ADAMTS12: variants seen among roughly 807,000 people sequenced by gnomAD.
ADAMTS12 encodes the protein A disintegrin and metalloproteinase with thrombospondin motifs 12.
A neutral mutation model predicts 167.8 loss-of-function variants in ADAMTS12; 118 were observed. The observed-to-expected ratio is 0.70, with a 90% CI of 0.61 to 0.82. The LOEUF is 0.82. Ranked by LOEUF, ADAMTS12 falls within the 40% of genes least tolerant of loss-of-function variation. The probability of loss-of-function intolerance (pLI) is 0.00; values close to 1 mark genes in which losing one functional copy is unlikely to be tolerated. For missense variants in ADAMTS12, 1,916 were observed against 1,998.8 expected, an observed-to-expected ratio of 0.96 and a Z score of 0.79; for synonymous variants, 704 against 716.9, an observed-to-expected ratio of 0.98 and a Z score of 0.29.
intron 19 of ADAMTS12, among the ~76,000 whole-genome samples, chr5:33,572,875 TA>T (rs1262230239): frequency 1.5e-5 from 2 of 129,364 alleles, no homozygotes; most frequent in African/African-American, 3.2e-5. Context: ...AAAATCTCCT[TA>T]AGCTGATAAG....
At chr5:33,820,602 G>A (rs1410032528) in intron 2 of ADAMTS12, among the ~76,000 whole-genome samples, 16 of 151,508 alleles carry the variant, frequency 1.1e-4, no homozygotes, top group Admixed American at 1.1e-3. Context: ...ATGGAGTTGG[G>A]TTTTTTAATT....
intron 2 of ADAMTS12, among the ~76,000 whole-genome samples, chr5:33,841,023 C>A (rs1748727294): frequency 1.3e-5 from 2 of 152,152 alleles, no homozygotes; most frequent in East Asian, 3.8e-4. Context: ...TCCCTCCAGT[C>A]TGTGTGGCAC....
At chr5:33,746,505 C>T (rs976366492) in intron 3 of ADAMTS12, among the ~76,000 whole-genome samples, 6 of 152,130 alleles carry the variant, frequency 3.9e-5, no homozygotes, top group African/African-American at 7.2e-5. Context: ...GCTTTGATTT[C>T]GTGCAATAGA....
At chr5:33,532,771 G>A (rs911760921) in intron 23 of ADAMTS12, among the ~76,000 whole-genome samples, 1 of 152,080 alleles carries the variant, frequency 6.6e-6, no homozygotes, top group African/African-American at 2.4e-5. Flanking sequence ...TGACCTGGAG[G>A]AAACTAAACC....
At chr5:33,821,601 G>A (rs376032405) in intron 2 of ADAMTS12, among the ~76,000 whole-genome samples, 3 of 152,204 alleles carry the variant, frequency 2.0e-5, no homozygotes, top group South Asian at 2.1e-4. Context: ...CCAGCAGTAC[G>A]TGACTGAGGC....
chr5:33,707,395 T>G (rs1309921993), intron 3 of ADAMTS12, among the ~76,000 whole-genome samples: 1 of 152,164 alleles, frequency 6.6e-6, no homozygotes, highest in Admixed American at 6.5e-5. Context: ...ATTTATAGAT[T>G]TAATGTTATT....
intron 2 of ADAMTS12, among the ~76,000 whole-genome samples, chr5:33,858,635 G>A (rs113649679): frequency 6.8e-4 from 102 of 149,118 alleles, no homozygotes; most frequent in African/African-American, 2.4e-3. Flanking sequence ...TCCAGTCTGG[G>A]TCACAGAGCA....
intron 3 of ADAMTS12, among the ~76,000 whole-genome samples, chr5:33,715,942 G>A (rs562384675): frequency 3.8e-4 from 58 of 152,206 alleles, no homozygotes; most frequent in Middle Eastern, 3.4e-3. Flanking sequence ...ACAATTTACT[G>A]TTAATAAGGG....
chr5:33,596,291 T>C (rs2112034928), intron 16 of ADAMTS12, among the ~76,000 whole-genome samples: 1 of 152,194 alleles, frequency 6.6e-6, no homozygotes. Context: ...CTGTAGATCA[T>C]AGAGGTAGGA....
chr5:33,585,318 T>A (rs780312715), intron 18 of ADAMTS12, among the ~76,000 whole-genome samples: 2 of 152,208 alleles, frequency 1.3e-5, no homozygotes, highest in Non-Finnish European at 2.9e-5. Flanking sequence ...ACTGAAAGCT[T>A]CATCAAAATA....
At chr5:33,593,924 C>T (rs939855497) in intron 17 of ADAMTS12, among the ~76,000 whole-genome samples, 1 of 152,200 alleles carries the variant, frequency 6.6e-6, no homozygotes, top group African/African-American at 2.4e-5. Flanking sequence ...ACCTTTATCT[C>T]CTCATATACC....
chr5:33,739,457 CTATGTGTA>C (rs1354352631), intron 3 of ADAMTS12, among the ~76,000 whole-genome samples: 1 of 152,000 alleles, frequency 6.6e-6, no homozygotes, highest in South Asian at 2.1e-4. Flanking sequence ...TCAGAAGAAA[CTATGTGTA>C]TGTGTATGTG....
At chr5:33,789,174 AG>A (rs1746437163) in intron 2 of ADAMTS12, among the ~76,000 whole-genome samples, 1 of 139,558 alleles carries the variant, frequency 7.2e-6, no homozygotes, top group Non-Finnish European at 1.5e-5. Flanking sequence ...GGGGACAGAA[AG>A]GTCTCTCACA....
At chr5:33,800,764 T>C (rs1746970230) in intron 2 of ADAMTS12, among the ~76,000 whole-genome samples, 1 of 152,216 alleles carries the variant, frequency 6.6e-6, no homozygotes, top group South Asian at 2.1e-4. Flanking sequence ...CCCATGTGCC[T>C]GCTTGTAAGG....
intron 2 of ADAMTS12, among the ~76,000 whole-genome samples, chr5:33,782,438 C>T (rs1285725867): frequency 6.6e-6 from 1 of 151,918 alleles, no homozygotes; most frequent in Non-Finnish European, 1.5e-5. Context: ...ATCCAACCAA[C>T]ATCAATAATG....
At chr5:33,788,985 C>G (rs181535577) in intron 2 of ADAMTS12, among the ~76,000 whole-genome samples, 2 of 152,208 alleles carry the variant, frequency 1.3e-5, no homozygotes, top group African/African-American at 4.8e-5. Flanking sequence ...ATCTCCCTAA[C>G]AGTGAAATCC....
intron 20 of ADAMTS12, among the ~76,000 whole-genome samples, chr5:33,552,512 T>A (rs2040874976): frequency 6.6e-6 from 1 of 152,232 alleles, no homozygotes; most frequent in African/African-American, 2.4e-5. Flanking sequence ...AAGTTATACA[T>A]CAAATACTAA....
intron 2 of ADAMTS12, among the ~76,000 whole-genome samples, chr5:33,820,260 G>C (rs1473446082): frequency 6.6e-6 from 1 of 152,088 alleles, no homozygotes; most frequent in Admixed American, 6.6e-5. Context: ...CTCTTTGCAG[G>C]GGGAATTTTA....
In ADAMTS12 at chr5:33,526,872, A is replaced by T. The variant is rs1467797053; in HGVS notation, c.*316T>A. 5 of 233,764 alleles carry T rather than the reference A, an allele frequency of 2.1e-5. No individual in the cohort carries two copies. Among genetic ancestry groups the T allele is most frequent in the Non-Finnish European group, 4.1e-5 (5 of 121,070 alleles). 14.5% of individuals were successfully genotyped at this position (233,764 alleles called of 1,614,324 possible). A position where few individuals can be genotyped will look rare whatever the true frequency, so the allele number is the denominator to read the frequency against. On this transcript the variant is annotated 3_prime_UTR_variant, in exon 24 of 24. Transcript: ENST00000504830. ...GGAAATAGCTGGTCTCTTTGTTTTT[A>T]TCTTTAAGGGAGAACAAAAATACAG... is the stretch of plus-strand genomic sequence containing the variant.
Sources: gnomAD v4.1 joint callset for allele counts (sites outside exome capture counted in the v4.1 genomes callset) on GRCh38, gnomAD v4.1.1 for gene constraint, MANE v1.5 for transcripts, NCBI Gene and HGNC (gene_info 2026-07-23, HGNC 2026-07-21) for gene names.